EYS: variants seen among roughly 807,000 people sequenced by gnomAD.
EYS encodes the protein protein eyes shut homolog.
EYS carries 250 observed loss-of-function variants against 282.1 expected under a neutral mutation model. That is an observed-to-expected ratio of 0.89 (90% CI 0.80 to 0.98). EYS has a LOEUF of 0.98. Ranked by LOEUF, EYS falls within the 50% of genes least tolerant of loss-of-function variation. EYS has a pLI of 0.00. For synonymous variants in EYS, 1,355 were observed against 1,282.9 expected (o/e 1.06, Z -1.20); for missense variants, 4,016 against 3,709.0 (o/e 1.08, Z -2.15).
At chr6:64,239,603 T>G (rs1448289001) in intron 30 of EYS, among the ~76,000 whole-genome samples, 1 of 150,898 alleles carries the variant, frequency 6.6e-6, no homozygotes, top group African/African-American at 2.4e-5. Context: ...TGGGGTTGTT[T>G]TTTTTTTTTC....
At chr6:65,643,925 G>A (rs1422662143) in intron 1 of EYS, among the ~76,000 whole-genome samples, 1 of 152,090 alleles carries the variant, frequency 6.6e-6, no homozygotes, top group Non-Finnish European at 1.5e-5. Flanking sequence ...CTGAACAGCA[G>A]CTCTTGAGTC....
At chr6:63,843,975 C>T (rs1772032257) in intron 36 of EYS, among the ~76,000 whole-genome samples, 1 of 152,102 alleles carries the variant, frequency 6.6e-6, no homozygotes. Context: ...AACCCAGCAT[C>T]CATTAGCAAT....
At chr6:63,853,653 C>G (rs951482584) in intron 36 of EYS, among the ~76,000 whole-genome samples, 11 of 151,926 alleles carry the variant, frequency 7.2e-5, no homozygotes, top group Admixed American at 4.6e-4. Context: ...CATATGGAAC[C>G]AAAAAAGAGC....
intron 35 of EYS, among the ~76,000 whole-genome samples, chr6:63,922,815 A>G (rs1401308660): frequency 6.6e-6 from 1 of 152,184 alleles, no homozygotes; most frequent in Non-Finnish European, 1.5e-5. Context: ...AACATGATTC[A>G]TTTTAGAACA....
chr6:64,902,012 G>C (rs1022601934), intron 18 of EYS, 101 bp downstream of exon 18: 11 of 735,032 alleles, frequency 1.5e-5, no homozygotes, highest in Non-Finnish European at 1.8e-5. Flanking sequence ...ATGTATCAGT[G>C]GTGATCAGCT....
At chr6:65,370,608 T>C (rs1027133066) in intron 8 of EYS, among the ~76,000 whole-genome samples, 1 of 151,790 alleles carries the variant, frequency 6.6e-6, no homozygotes, top group Non-Finnish European at 1.5e-5. Flanking sequence ...ATTTTTTTTA[T>C]GTATCACTTA....
At chr6:63,900,269 G>T (rs1166412488) in intron 35 of EYS, among the ~76,000 whole-genome samples, 1 of 152,164 alleles carries the variant, frequency 6.6e-6, no homozygotes, top group Non-Finnish European at 1.5e-5. Flanking sequence ...AGAAGTTCAT[G>T]TTAGGTATAT....
At chr6:63,835,329 C>T (rs554918458) in intron 36 of EYS, among the ~76,000 whole-genome samples, 3 of 145,914 alleles carry the variant, frequency 2.1e-5, no homozygotes, top group South Asian at 2.2e-4. Context: ...TACATATATA[C>T]TCTCTCTCTA....
chr6:63,883,409 C>A (rs1189438242), intron 35 of EYS, among the ~76,000 whole-genome samples: 2 of 152,350 alleles, frequency 1.3e-5, no homozygotes, highest in East Asian at 3.9e-4. Context: ...CAAACCATTT[C>A]TTCTACCCTT....
chr6:65,629,267 G>A (rs10455189), intron 2 of EYS, among the ~76,000 whole-genome samples: 1 of 151,924 alleles, frequency 6.6e-6, no homozygotes, highest in African/African-American at 2.4e-5. Flanking sequence ...CAGAAGTTAT[G>A]ACACACACAC....
intron 22 of EYS, among the ~76,000 whole-genome samples, chr6:64,671,280 G>A (rs911038521): frequency 4.6e-5 from 7 of 152,022 alleles, no homozygotes; most frequent in African/African-American, 1.5e-4. Flanking sequence ...GATTAGGTCA[G>A]GAAGGTGGAG....
At chr6:64,991,113 A>G (rs560322232) in intron 14 of EYS, among the ~76,000 whole-genome samples, 11 of 151,726 alleles carry the variant, frequency 7.2e-5, no homozygotes. Context: ...AAAGAATTCC[A>G]TAATCTAGTT....
chr6:64,880,802 A>T (rs1409396931), intron 19 of EYS, among the ~76,000 whole-genome samples: 2 of 149,710 alleles, frequency 1.3e-5, no homozygotes. Flanking sequence ...TATTTTACAC[A>T]CATACTTATG....
At chr6:64,938,886 A>G (rs1377346808) in intron 15 of EYS, among the ~76,000 whole-genome samples, 1 of 151,666 alleles carries the variant, frequency 6.6e-6, no homozygotes, top group Non-Finnish European at 1.5e-5. Context: ...GCTATCTTTG[A>G]TTTTCAGACA....
chr6:63,914,716 C>CA (rs35792083), intron 35 of EYS, among the ~76,000 whole-genome samples: 2 of 138,076 alleles, frequency 1.4e-5, no homozygotes, highest in African/African-American at 5.4e-5. Context: ...TCAACCGTCT[C>CA]AAAAAAAAAA....
intron 28 of EYS, among the ~76,000 whole-genome samples, chr6:64,393,246 A>T (rs1447387330): frequency 6.6e-6 from 1 of 152,200 alleles, no homozygotes; most frequent in Non-Finnish European, 1.5e-5. Context: ...ATTCCAATCA[A>T]TAGAAAAAGA....
At chr6:63,944,266 A>G (rs181601228) in intron 35 of EYS, among the ~76,000 whole-genome samples, 1 of 152,352 alleles carries the variant, frequency 6.6e-6, no homozygotes, top group East Asian at 1.9e-4. Flanking sequence ...GCTCTTAGCC[A>G]CATATGGCAA....
At chr6:65,374,596 G>A (rs1411890117) in intron 8 of EYS, among the ~76,000 whole-genome samples, 1 of 151,300 alleles carries the variant, frequency 6.6e-6, no homozygotes, top group Non-Finnish European at 1.5e-5. Context: ...AGGGAGCAAA[G>A]CGGTCTGGCT....
At chr6:65,595,887 A>G (rs976919277) in intron 2 of EYS, among the ~76,000 whole-genome samples, 3 of 152,060 alleles carry the variant, frequency 2.0e-5, no homozygotes, top group Non-Finnish European at 4.4e-5. Context: ...ATAATGGGAT[A>G]TTACTTTTGA....
Sources: gnomAD v4.1 joint callset for allele counts (sites outside exome capture counted in the v4.1 genomes callset) on GRCh38, gnomAD v4.1.1 for gene constraint, MANE v1.5 for transcripts, NCBI Gene and HGNC (gene_info 2026-07-23, HGNC 2026-07-21) for gene names.